PLXNA4: variants seen among roughly 807,000 people sequenced by gnomAD.
PLXNA4 encodes the protein plexin A4, also known as plexin-A4.
PLXNA4 carries 44 observed loss-of-function variants against 191.8 expected under a neutral mutation model. The observed-to-expected ratio is 0.23, with a 90% CI of 0.18 to 0.29. The LOEUF is 0.29. PLXNA4 is among the 10% of genes least tolerant of loss of function. The pLI, the probability that PLXNA4 is intolerant of heterozygous loss-of-function variation, is 1.00. For missense variants in PLXNA4, 1,800 were observed against 2,488.8 expected, an observed-to-expected ratio of 0.72 and a Z score of 5.89; for synonymous variants, 1,082 against 1,009.5, an observed-to-expected ratio of 1.07 and a Z score of -1.36.
chr7:132,647,649 T>G (rs1405651291), intron 1 of PLXNA4, among the ~76,000 whole-genome samples: 2 of 151,004 alleles, frequency 1.3e-5, no homozygotes, highest in African/African-American at 4.9e-5. Context: ...ACATACACAC[T>G]CATACACTCA....
At chr7:132,312,513 T>C (rs918199418) in intron 3 of PLXNA4, among the ~76,000 whole-genome samples, 1 of 152,202 alleles carries the variant, frequency 6.6e-6, no homozygotes, top group Non-Finnish European at 1.5e-5. Context: ...AATATGTTAA[T>C]ATAATATGCT....
chr7:132,484,918 C>T (rs577727553), intron 3 of PLXNA4: 6 of 1,614,222 alleles, frequency 3.7e-6, no homozygotes, highest in African/African-American at 2.7e-5. Context: ...ACACACACAG[C>T]ATCTGTTCCT....
intron 1 of PLXNA4, among the ~76,000 whole-genome samples, chr7:132,563,206 C>A (rs1451702906): frequency 9.7e-6 from 1 of 102,672 alleles, no homozygotes; most frequent in Non-Finnish European, 2.0e-5. Context: ...CCTCTTCCTC[C>A]TCCTCCTCCT....
chr7:132,605,356 G>C (rs1585400129), intron 2 of PLXNA4, among the ~76,000 whole-genome samples: 1 of 152,186 alleles, frequency 6.6e-6, no homozygotes, highest in Non-Finnish European at 1.5e-5. Flanking sequence ...AGAAACAGCT[G>C]TAAGAATTTA....
chr7:132,635,193 TATATATATAC>T (rs1803575259), intron 2 of PLXNA4, among the ~76,000 whole-genome samples: 1 of 143,306 alleles, frequency 7.0e-6, no homozygotes, highest in African/African-American at 2.6e-5. Context: ...TATATATATA[TATATATATAC>T]GTATCCTATT....
intron 3 of PLXNA4, among the ~76,000 whole-genome samples, chr7:132,357,143 T>A (rs1245609539): frequency 1.3e-5 from 2 of 152,158 alleles, no homozygotes; most frequent in African/African-American, 4.8e-5. Context: ...TACATGTGGC[T>A]AGAGACACCA....
intron 31 of PLXNA4, 139 bp from the exon 32 acceptor site, chr7:132,130,713 G>A: frequency 3.1e-6 from 4 of 1,282,122 alleles, no homozygotes; most frequent in Non-Finnish European, 4.3e-6. Context: ...GACACTGCGG[G>A]GTAGGAGGAG....
intron 3 of PLXNA4, among the ~76,000 whole-genome samples, chr7:132,309,832 A>T (rs750606706): frequency 4.6e-5 from 7 of 152,314 alleles, no homozygotes; most frequent in Non-Finnish European, 1.0e-4. Flanking sequence ...ACTAACTCAG[A>T]GGAAGGATGC....
At position 132,399,127 on chromosome 7, in the gene PLXNA4, C is replaced by T. The variant is rs114383205; in HGVS notation, c.1371+90165G>A. Among the ~76,000 whole-genome samples the T allele has an allele frequency of 9.4e-3, 1,424 of 152,272 alleles. 22 individuals are homozygous for T. The highest frequency in any genetic ancestry group is 0.032 in the African/African-American group (1,335 of 41,554). On this transcript the variant is annotated intron_variant, in intron 3 of 31. Transcript: ENST00000321063. The stretch of plus-strand genomic sequence containing the variant: ...TCCCTGCTAGAATTTCCCTCAGTCA[C>T]GTCTCTATTACACCCACGGGCTTCA...
At chr7:132,555,319 C>T (rs895290424) in intron 1 of PLXNA4, among the ~76,000 whole-genome samples, 1 of 152,148 alleles carries the variant, frequency 6.6e-6, no homozygotes, top group Non-Finnish European at 1.5e-5. Flanking sequence ...TGCAATGGGA[C>T]CAGCCACCTG....
At chr7:132,319,831 G>A (rs545820505) in intron 3 of PLXNA4, among the ~76,000 whole-genome samples, 3 of 152,212 alleles carry the variant, frequency 2.0e-5, no homozygotes, top group South Asian at 2.1e-4. Flanking sequence ...AGCCGTGCAC[G>A]GCAGTACCAT....
At chr7:132,609,323 C>T (rs1293518633) in intron 2 of PLXNA4, among the ~76,000 whole-genome samples, 2 of 151,994 alleles carry the variant, frequency 1.3e-5, no homozygotes, top group Admixed American at 6.6e-5. Flanking sequence ...AAAATGTGTC[C>T]ATGGCTGCTT....
rs758354693 is a variant in PLXNA4, at chr7:132,210,948, T to G, written c.2293A>C (p.Thr765Pro). The change falls in exon 10 of 32, where the codon ACC (threonine) becomes CCC (proline). Residue 765 changes from threonine (T) to proline (P), a missense_variant. By Grantham distance (38) the Thr-to-Pro change is conservative. Around this residue, in one of 6 missense-constraint regions of PLXNA4, gnomAD observed 1,397 missense variants for 1,880.4 expected, o/e 0.74. Transcript: ENST00000321063. The stretch of plus-strand genomic sequence containing the variant: ...GGCAGGGTTGGGCGACTCACAGAGG[T>G]GTTCTGGCACTGTACGCTGGAGCTG... ...FNSSSVQCQNTSYSYEGMEIN... is the reference protein window; with the variant it reads ...FNSSSVQCQNPSYSYEGMEIN... 1 of 1,610,542 alleles carries G rather than the reference T, an allele frequency of 6.2e-7. No homozygotes were observed. The highest frequency in any genetic ancestry group is 8.5e-7 in the Non-Finnish European group (1 of 1,178,744).
chr7:132,623,019 T>C (rs1803299676), intron 2 of PLXNA4, among the ~76,000 whole-genome samples: 1 of 152,118 alleles, frequency 6.6e-6, no homozygotes, highest in Non-Finnish European at 1.5e-5. Flanking sequence ...CCCCTCCAGG[T>C]GACCCTTCCA....
intron 1 of PLXNA4, among the ~76,000 whole-genome samples, chr7:132,555,618 T>C (rs1365747991): frequency 6.6e-6 from 1 of 152,254 alleles, no homozygotes; most frequent in African/African-American, 2.4e-5. Flanking sequence ...CTTATTTTAC[T>C]CTTTTAATGA....
rs142397243 is a variant in PLXNA4, at chr7:132,264,877, T to C, written c.1504-23711A>G. ...CTCACCCAGCTAATTCTTGTATTTT[T>C]AGTAGAGATGGGGTTTCACCATGTT... On this transcript the variant is annotated intron_variant, in intron 4 of 31. Transcript: ENST00000321063. Among the ~76,000 whole-genome samples the C allele has an allele frequency of 3.3e-3, 498 of 152,128 alleles. 9 individuals are homozygous for C. Among genetic ancestry groups the C allele is most frequent in the African/African-American group, 0.011 (473 of 41,498 alleles).
intron 3 of PLXNA4, among the ~76,000 whole-genome samples, chr7:132,375,291 C>A (rs143559707): frequency 1.1e-3 from 159 of 140,136 alleles, no homozygotes; most frequent in Non-Finnish European, 2.0e-3. Context: ...CGCCCCCCCC[C>A]ACGCCCCAGC....
intron 1 of PLXNA4, among the ~76,000 whole-genome samples, chr7:132,564,012 C>G (rs1448149888): frequency 2.9e-5 from 2 of 70,066 alleles, no homozygotes; most frequent in Non-Finnish European, 5.7e-5. Context: ...TCCTCCTTCT[C>G]CTCCTCCTTC....
intron 3 of PLXNA4, among the ~76,000 whole-genome samples, chr7:132,391,116 A>G: frequency 6.6e-6 from 1 of 152,186 alleles, no homozygotes; most frequent in African/African-American, 2.4e-5. Flanking sequence ...ATTAGTGGAA[A>G]GGAGAGTCTG....
Sources: gnomAD v4.1 joint callset for allele counts (sites outside exome capture counted in the v4.1 genomes callset) on GRCh38, gnomAD v4.1.1 for gene constraint, gnomAD v4.1.1 regional missense constraint, MANE v1.5 for transcripts, NCBI Gene and HGNC (gene_info 2026-07-23, HGNC 2026-07-21) for gene names.